Variants in MIR2052HG observed in about 807,000 individuals in gnomAD.
MIR2052HG encodes MIR2052 host gene.
At chr8:74,715,332 C>T (rs1275607028) in intron 4 of MIR2052HG, among the ~76,000 whole-genome samples, 1 of 152,136 alleles carries the variant, frequency 6.6e-6, no homozygotes, top group African/African-American at 2.4e-5. Context: ...GCAACAGAAT[C>T]CTAGGAAATT....
chr8:74,747,983 T>C (rs1265309170), intron 4 of MIR2052HG, among the ~76,000 whole-genome samples: 1 of 152,216 alleles, frequency 6.6e-6, no homozygotes, highest in African/African-American at 2.4e-5. Context: ...CTCATGGTCT[T>C]TTTTTGCTGT....
intron 2 of MIR2052HG, among the ~76,000 whole-genome samples, chr8:74,636,976 C>T (rs1018998673): frequency 1.3e-5 from 2 of 152,046 alleles, no homozygotes; most frequent in African/African-American, 4.8e-5. Flanking sequence ...TGGCAGGGCT[C>T]TTTGGGATTA....
At chr8:74,623,816 A>G (rs941977873) in intron 2 of MIR2052HG, among the ~76,000 whole-genome samples, 3 of 152,238 alleles carry the variant, frequency 2.0e-5, no homozygotes, top group Non-Finnish European at 4.4e-5. Flanking sequence ...CTCAATTGCT[A>G]CATGGCTTGA....
intron 2 of MIR2052HG, among the ~76,000 whole-genome samples, chr8:74,621,622 A>G (rs1808362227): frequency 6.6e-6 from 1 of 152,188 alleles, no homozygotes. Context: ...ACTCATTAAC[A>G]GCATGGGGGA....
intron 5 of MIR2052HG, among the ~76,000 whole-genome samples, chr8:74,754,969 G>A (rs1313079044): frequency 1.3e-5 from 2 of 152,200 alleles, no homozygotes; most frequent in South Asian, 2.1e-4. Flanking sequence ...GTCCCAGTAC[G>A]ACATGTTGTG....
At chr8:74,710,101 G>A (rs551067032) in intron 4 of MIR2052HG, among the ~76,000 whole-genome samples, 102 of 152,114 alleles carry the variant, frequency 6.7e-4, no homozygotes, top group African/African-American at 2.3e-3. Context: ...TCTAAGTAGC[G>A]ATTTTTAAAC....
At chr8:74,757,987 G>A (rs535825242) in intron 5 of MIR2052HG, 3 of 152,156 alleles carry the variant, frequency 2.0e-5, no homozygotes, top group African/African-American at 4.8e-5. Flanking sequence ...AAGAAGATCG[G>A]GACTGTGTCA....
intron 2 of MIR2052HG, among the ~76,000 whole-genome samples, chr8:74,657,505 AG>A (rs1247167547): frequency 6.6e-6 from 1 of 152,146 alleles, no homozygotes; most frequent in African/African-American, 2.4e-5. Flanking sequence ...CCAAATCTCC[AG>A]ACCCATCCTA....
At chr8:74,744,955 G>C (rs553843715) in intron 4 of MIR2052HG, among the ~76,000 whole-genome samples, 1 of 152,236 alleles carries the variant, frequency 6.6e-6, no homozygotes, top group South Asian at 2.1e-4. Context: ...TTCAGGAAAA[G>C]TTCAATAGTT....
At chr8:74,634,103 C>A (rs991766270) in intron 2 of MIR2052HG, among the ~76,000 whole-genome samples, 1 of 152,150 alleles carries the variant, frequency 6.6e-6, no homozygotes, top group African/African-American at 2.4e-5. Context: ...ACTATCTATT[C>A]TAACACTTGT....
At chr8:74,731,659 T>C (rs1324259292) in intron 4 of MIR2052HG, among the ~76,000 whole-genome samples, 1 of 152,158 alleles carries the variant, frequency 6.6e-6, no homozygotes, top group African/African-American at 2.4e-5. Context: ...ATGGATGGTG[T>C]GTCTATCATT....
At position 74,612,490 on chromosome 8, in the gene MIR2052HG, G is replaced by A. The variant is rs1483244312; in HGVS notation, n.129-363G>A. The A allele has an allele frequency of 1.7e-5, 3 of 173,200 alleles. No individual in the cohort carries two copies. The East Asian group carries it at 4.9e-4, about 28-fold the overall frequency. 10.7% of individuals were successfully genotyped at this position (173,200 alleles called of 1,614,324 possible). ...TTGAGAGAATAACTGTAGTTGAGCA[G>A]CTAAATCTTCTCCCCTGCTTGCCTT... On this transcript the variant is annotated intron_variant and non_coding_transcript_variant, in intron 1 of 6. Coordinates refer to ENST00000523442, the Ensembl canonical transcript of MIR2052HG.
intron 4 of MIR2052HG, among the ~76,000 whole-genome samples, chr8:74,741,758 T>G (rs548603956): frequency 6.6e-6 from 1 of 152,300 alleles, no homozygotes; most frequent in African/African-American, 2.4e-5. Context: ...CACAGCCTCT[T>G]GCACTTAGGA....
chr8:74,691,813 T>A (rs943133603), intron 2 of MIR2052HG, among the ~76,000 whole-genome samples: 5 of 152,192 alleles, frequency 3.3e-5, no homozygotes, highest in African/African-American at 1.2e-4. Flanking sequence ...AATAGGTAAG[T>A]TCCAATTCAA....
rs897764978 is a variant in MIR2052HG at position 74,753,328 on chromosome 8, A to C, written n.464+795A>C. ...ATATAGTCTTTGTTGCTAATATGTT[A>C]AATTAGATTTTTATTTTTACTATAG... On this transcript the variant is annotated intron_variant and non_coding_transcript_variant, in intron 5 of 6. Coordinates refer to ENST00000523442, the Ensembl canonical transcript of MIR2052HG. 1.6e-4 allele frequency among the ~76,000 whole-genome samples: 25 copies of C among 152,188 alleles called. 1 individual carries two copies. Among genetic ancestry groups the C allele is most frequent in the African/African-American group, 6.0e-4 (25 of 41,456 alleles).
intron 4 of MIR2052HG, among the ~76,000 whole-genome samples, chr8:74,724,636 T>G (rs2128754313): frequency 6.6e-6 from 1 of 152,340 alleles, no homozygotes; most frequent in East Asian, 1.9e-4. Flanking sequence ...GAATTTAATT[T>G]GTAAAAAGAT....
intron 1 of MIR2052HG, among the ~76,000 whole-genome samples, chr8:74,607,321 C>G (rs1245786745): frequency 1.3e-5 from 2 of 152,010 alleles, no homozygotes; most frequent in Admixed American, 6.6e-5. Flanking sequence ...TTAAAAAATA[C>G]ACATAACAGG....
intron 2 of MIR2052HG, among the ~76,000 whole-genome samples, chr8:74,672,162 T>C (rs1586909652): frequency 6.6e-6 from 1 of 152,106 alleles, no homozygotes; most frequent in African/African-American, 2.4e-5. Context: ...TATACTTCTA[T>C]TTTTCTTATA....
chr8:74,647,795 C>G (rs779965614), intron 2 of MIR2052HG, among the ~76,000 whole-genome samples: 8 of 152,124 alleles, frequency 5.3e-5, no homozygotes, highest in Non-Finnish European at 8.8e-5. Context: ...TTTATAATTC[C>G]TTATGCCTGT....
Sources: allele counts gnomAD v4.1 joint callset (sites outside exome capture counted in the v4.1 genomes callset), GRCh38; gene constraint gnomAD v4.1.1; transcripts MANE v1.5; gene names NCBI Gene and HGNC (gene_info 2026-07-23, HGNC 2026-07-21).